Variants in PAPPA observed in about 807,000 individuals in gnomAD.
The protein encoded by PAPPA is pappalysin 1.
PAPPA carries 60 observed loss-of-function variants against 164.0 expected under a neutral mutation model. The observed-to-expected ratio is 0.37, with a 90% CI of 0.30 to 0.45. The LOEUF (loss-of-function observed/expected upper bound fraction) is 0.45. Among genes scored for constraint, PAPPA ranks in the 20% least tolerant of loss-of-function variants. The pLI, the probability that PAPPA is intolerant of heterozygous loss-of-function variation, is 1.00. For synonymous variants in PAPPA, 875 were observed against 814.1 expected (o/e 1.07, Z -1.27); for missense variants, 1,782 against 2,087.3 (o/e 0.85, Z 2.85).
At chr9:116,159,544 G>A (rs190618999) in intron 1 of PAPPA, among the ~76,000 whole-genome samples, 1 of 152,288 alleles carries the variant, frequency 6.6e-6, no homozygotes, top group African/African-American at 2.4e-5. Context: ...AGGAGGCCCA[G>A]AACCACTGGG....
In PAPPA at chr9:116,334,950, C is replaced by A. The variant is rs369072479; in HGVS notation, c.3487C>A (p.Arg1163Ser). The A allele has an allele frequency of 1.2e-6, 2 of 1,613,740 alleles. No homozygotes were observed. The highest frequency in any genetic ancestry group is 8.5e-7 in the Non-Finnish European group (1 of 1,179,878). The change falls in exon 13 of 22, where the codon CGT becomes AGT. Residue 1163 changes from arginine to serine, a missense_variant. Physicochemically the swap from Arg to Ser is moderately radical, Grantham distance 110 (BLOSUM62 -1). This residue lies in a region of PAPPA where 1,324 missense variants were observed against 1,656.9 expected (regional missense o/e 0.80). Coordinates refer to ENST00000328252, the MANE Select transcript of PAPPA (RefSeq NM_002581.5). Reference sequence around the variant, plus strand: ...GCCCTTCTACCACAGCCAGGCGGTACGTGTGAGCTTCAGTTCGCCCCTGGT... The same window carrying A: ...GCCCTTCTACCACAGCCAGGCGGTAAGTGTGAGCTTCAGTTCGCCCCTGGT... ...SQPFYHSQAV[R>S]VSFSSPLVAI...
At chr9:116,341,030 T>TTTTATTTATTTA (rs370348154) in intron 13 of PAPPA, among the ~76,000 whole-genome samples, 4 of 150,940 alleles carry the variant, frequency 2.7e-5, no homozygotes, top group South Asian at 2.1e-4. Flanking sequence ...TATTTTTTTG[T>TTTTATTTATTTA]TTTATTTATT....
At chr9:116,164,240 CATCTCTGAAGTAT>C (rs1843697649) in intron 1 of PAPPA, among the ~76,000 whole-genome samples, 1 of 152,198 alleles carries the variant, frequency 6.6e-6, no homozygotes, top group Non-Finnish European at 1.5e-5. Context: ...CTGGAACTGT[CATCTCTGAAGTAT>C]ATCCAGCTTC....
chr9:116,286,870 A>G (rs1449908864), intron 9 of PAPPA: 1 of 152,132 alleles, frequency 6.6e-6, no homozygotes, highest in African/African-American at 2.4e-5. Context: ...GAAGGTAGTC[A>G]TTATTTTGCC....
intron 9 of PAPPA, among the ~76,000 whole-genome samples, chr9:116,295,566 A>AAG (rs1554749300): frequency 6.7e-5 from 10 of 150,252 alleles, no homozygotes; most frequent in South Asian, 4.2e-4. Context: ...AAAAAAAAAA[A>AAG]AAAAGAAAAG....
At chr9:116,241,522 C>T (rs1564196062) in intron 7 of PAPPA, among the ~76,000 whole-genome samples, 3 of 152,140 alleles carry the variant, frequency 2.0e-5, no homozygotes, top group Non-Finnish European at 4.4e-5. Flanking sequence ...TAACATGATC[C>T]TTAGTCCTTG....
intron 13 of PAPPA, among the ~76,000 whole-genome samples, chr9:116,341,196 G>A (rs1458186719): frequency 1.3e-5 from 2 of 151,722 alleles, no homozygotes; most frequent in African/African-American, 2.4e-5. Context: ...GTGCACCACC[G>A]CTCCCAGCTA....
intron 9 of PAPPA, among the ~76,000 whole-genome samples, chr9:116,302,481 T>C (rs1845591041): frequency 6.6e-6 from 1 of 152,160 alleles, no homozygotes; most frequent in South Asian, 2.1e-4. Context: ...CATGCAGTAT[T>C]TGTCTTTCTG....
At chr9:116,238,714 G>A (rs1051664870) in intron 7 of PAPPA, among the ~76,000 whole-genome samples, 1 of 152,070 alleles carries the variant, frequency 6.6e-6, no homozygotes, top group African/African-American at 2.4e-5. Context: ...GGCTTTCATC[G>A]GCCTTCCTCT....
chr9:116,219,837 T>C, intron 4 of PAPPA, 100 bp from the exon 5 acceptor site: 1 of 940,022 alleles, frequency 1.1e-6, no homozygotes, highest in Non-Finnish European at 1.6e-6. Context: ...AAGGAACGAC[T>C]TGGGTGCTGA....
intron 13 of PAPPA, among the ~76,000 whole-genome samples, chr9:116,343,131 A>G (rs1398327177): frequency 6.6e-6 from 1 of 152,170 alleles, no homozygotes; most frequent in Non-Finnish European, 1.5e-5. Context: ...CAATTTACCC[A>G]ACTGTAAAAT....
In PAPPA at chr9:116,265,875, T is replaced by C; in HGVS notation, c.2751T>C (p.Ser917=). The C allele has an allele frequency of 6.2e-7, 1 of 1,604,936 alleles. No homozygotes were observed. The highest frequency in any genetic ancestry group is 8.5e-7 in the Non-Finnish European group (1 of 1,172,426). The change falls in exon 8 of 22, where the codon AGT becomes AGC. Residue 917 remains serine, a synonymous_variant. Transcript: ENST00000328252. Reference sequence around the variant, plus strand: ...TTTCCAGGGATCTAAATCTTGGCAGTGTGTACCAGTATTGGGTCATAACTA... The same window carrying C: ...TTTCCAGGGATCTAAATCTTGGCAGCGTGTACCAGTATTGGGTCATAACTA... ...KFVDMDLNLG[S]VYQYWVITIS... is the part of the protein sequence containing the mutation.
At chr9:116,276,202 A>T (rs1337891848) in intron 9 of PAPPA, among the ~76,000 whole-genome samples, 1 of 152,226 alleles carries the variant, frequency 6.6e-6, no homozygotes, top group Non-Finnish European at 1.5e-5. Flanking sequence ...GTCATAAACT[A>T]CAGACAGGCT....
chr9:116,171,429 A>T (rs574965825), intron 1 of PAPPA, among the ~76,000 whole-genome samples: 1 of 152,292 alleles, frequency 6.6e-6, no homozygotes, highest in African/African-American at 2.4e-5. Flanking sequence ...TGTATTCTCA[A>T]CAACAAACAC....
At chr9:116,172,072 G>A (rs1426431302) in intron 1 of PAPPA, among the ~76,000 whole-genome samples, 1 of 152,118 alleles carries the variant, frequency 6.6e-6, no homozygotes, top group African/African-American at 2.4e-5. Flanking sequence ...TGCATAATAT[G>A]TGTCGGGCAC....
At chr9:116,313,790 T>C (rs1845752591) in intron 10 of PAPPA, among the ~76,000 whole-genome samples, 1 of 152,192 alleles carries the variant, frequency 6.6e-6, no homozygotes, top group Admixed American at 6.5e-5. Flanking sequence ...TTTTAATTCG[T>C]TAAATTTAAA....
chr9:116,355,134 C>A (rs1846336146), intron 17 of PAPPA, among the ~76,000 whole-genome samples: 3 of 152,212 alleles, frequency 2.0e-5, no homozygotes, highest in East Asian at 1.9e-4. Context: ...TCACTGCCTG[C>A]TTTCATTCCA....
intron 21 of PAPPA, among the ~76,000 whole-genome samples, chr9:116,386,555 C>T (rs1187836771): frequency 6.6e-6 from 1 of 152,194 alleles, no homozygotes; most frequent in East Asian, 1.9e-4. Flanking sequence ...ATGGGACTTG[C>T]CCAAGTTCAC....
At chr9:116,191,752 G>C (rs1844045386) in intron 2 of PAPPA, among the ~76,000 whole-genome samples, 1 of 152,160 alleles carries the variant, frequency 6.6e-6, no homozygotes, top group Non-Finnish European at 1.5e-5. Context: ...TAAAGATGCA[G>C]ACTCCATCAG....
Sources: gnomAD v4.1 joint callset for allele counts (sites outside exome capture counted in the v4.1 genomes callset) on GRCh38, gnomAD v4.1.1 for gene constraint, gnomAD v4.1.1 regional missense constraint, MANE v1.5 for transcripts, NCBI Gene and HGNC (gene_info 2026-07-23, HGNC 2026-07-21) for gene names.